Variants in PLIN2 observed in about 807,000 individuals in gnomAD.
The protein encoded by PLIN2 is perilipin 2.
A neutral mutation model predicts 30.6 loss-of-function variants in PLIN2; 33 were observed. The ratio of observed to expected loss-of-function variants is 1.08; its 90% confidence interval spans 0.82 to 1.44. The LOEUF (loss-of-function observed/expected upper bound fraction) is 1.44. Ranked by LOEUF, PLIN2 falls within the 40% of genes most tolerant of loss-of-function variation. The pLI is 0.00. For synonymous variants in PLIN2, 205 were observed against 201.1 expected (o/e 1.02, Z -0.16); for missense variants, 610 against 531.8 (o/e 1.15, Z -1.45).
rs756967839 is a variant in PLIN2 at position 19,121,103 on chromosome 9, A to T, written c.372T>A (p.Thr124=). 1 of 1,614,170 alleles carries T rather than the reference A, an allele frequency of 6.2e-7. No homozygotes were observed. Among genetic ancestry groups the T allele is most frequent in the South Asian group, 1.1e-5 (1 of 91,086 alleles). The change falls in exon 5 of 8, where the codon ACT becomes ACA. Residue 124 remains threonine, a synonymous_variant. Coordinates refer to ENST00000276914, the MANE Select transcript of PLIN2 (RefSeq NM_001122.4). ...GAKDAVTTTV[T]GAKDSVASTI... Reference sequence around the variant, plus strand: ...TGCTGGCCACAGAATCCTTGGCCCCAGTCACAGTAGTCGTCACAGCATCTT... The same window carrying T: ...TGCTGGCCACAGAATCCTTGGCCCCTGTCACAGTAGTCGTCACAGCATCTT...
chr9:19,117,926 T>G (rs1291490183), intron 7 of PLIN2, among the ~76,000 whole-genome samples: 2 of 152,198 alleles, frequency 1.3e-5, no homozygotes, highest in Non-Finnish European at 2.9e-5. Flanking sequence ...CAATAGTACC[T>G]GTATTTATGC....
At chr9:19,123,319 A>G in intron 4 of PLIN2, 1 of 1,537,710 alleles carries the variant, frequency 6.5e-7, no homozygotes, top group Non-Finnish European at 8.8e-7. Flanking sequence ...GAGCAAAGAC[A>G]CAAACTGATA....
At chr9:19,120,551 C>CTATA (rs1342733178) in intron 5 of PLIN2, among the ~76,000 whole-genome samples, 1 of 152,126 alleles carries the variant, frequency 6.6e-6, no homozygotes, top group African/African-American at 2.4e-5. Context: ...GAAGGAAAAT[C>CTATA]TATAGAGGCA....
At position 19,123,602 on chromosome 9, in the gene PLIN2, T is replaced by G. The variant is rs756477017; in HGVS notation, c.272A>C (p.Glu91Ala). Residue 91 changes from glutamate (E) to alanine (A), a missense_variant, in exon 4 of 8, where the codon GAG (glutamate) becomes GCG (alanine). Coordinates refer to ENST00000276914, the MANE Select transcript of PLIN2 (RefSeq NM_001122.4). ...CTGATTCAGAATAGGCAGTCTCTCC[T>G]CAATCCTGTCTAGCCCCTTACAGGC... ...TYACKGLDRI[E>A]ERLPILNQPS... 4.3e-6 allele frequency: 7 copies of G among 1,614,084 alleles called. No individual in the cohort carries two copies. The highest frequency in any genetic ancestry group is 5.9e-6 in the Non-Finnish European group (7 of 1,180,044).
At chr9:19,112,028 G>T (rs1287339277), downstream of PLIN2, among the ~76,000 whole-genome samples, 1 of 152,136 alleles carries the variant, frequency 6.6e-6, no homozygotes, top group African/African-American at 2.4e-5. Context: ...TCCCACAGAT[G>T]ATGTCCCCAT....
At chr9:19,122,010 G>A (rs963873431) in intron 4 of PLIN2, among the ~76,000 whole-genome samples, 1 of 149,634 alleles carries the variant, frequency 6.7e-6, no homozygotes, top group Non-Finnish European at 1.5e-5. Context: ...TGGGGAGGCT[G>A]AAGCAGGACA....
At chr9:19,120,083 AG>A (rs1468758496) in intron 5 of PLIN2, among the ~76,000 whole-genome samples, 15 of 151,216 alleles carry the variant, frequency 9.9e-5, no homozygotes, top group African/African-American at 3.6e-4. Context: ...TTTTGGAAAC[AG>A]GTCTTGCTTT....
chr9:19,120,914 T>C lies in PLIN2; in HGVS notation c.561A>G (p.Val187=). 1 of 1,614,150 alleles carries C rather than the reference T, an allele frequency of 6.2e-7. No individual in the cohort carries two copies. Among genetic ancestry groups the C allele is most frequent in the South Asian group, 1.1e-5 (1 of 91,084 alleles). Residue 187 remains valine, a synonymous_variant, in exon 5 of 8, where the codon GTA becomes GTG. Coordinates refer to ENST00000276914, the MANE Select transcript of PLIN2 (RefSeq NM_001122.4). ...CCTCAGTGAGAGGGAGGTACTGTTC[T>C]ACCAACAGCTCTGATTTGGTGAGTG... is the stretch of plus-strand genomic sequence containing the variant. ...ENALTKSELL[V]EQYLPLTEEE...
intron 6 of PLIN2, 114 bp from the exon 7 acceptor site, chr9:19,118,569 G>C (rs1660028777): frequency 1.2e-5 from 10 of 861,378 alleles, no homozygotes; most frequent in Non-Finnish European, 1.8e-5. Flanking sequence ...TCCTGGAGTT[G>C]AATAAGATCT....
chr9:19,124,214 T>A (rs72698318), intron 3 of PLIN2, among the ~76,000 whole-genome samples: 6,506 of 152,092 alleles, frequency 0.043, 191 homozygotes, highest in Non-Finnish European at 0.057. Flanking sequence ...GCTTCTTCCT[T>A]ATCAACTGGC....
At position 19,127,261 on chromosome 9, in the gene PLIN2, G is replaced by C. The variant is rs941892541; in HGVS notation, c.-23+158C>G. 3.3e-5 allele frequency among the ~76,000 whole-genome samples: 5 copies of C among 152,042 alleles called. No homozygotes were observed. Among genetic ancestry groups the C allele is most frequent in the South Asian group, 2.1e-4 (1 of 4,816 alleles). On this transcript the variant is annotated intron_variant, in intron 1 of 7. Transcript: ENST00000276914. The surrounding 1 kb of genome is among the most constrained non-coding windows in gnomAD (Gnocchi z 4.3). ...AGGACCTGGAAGCCGCGAGGCGAGCGGGGGGTCTCGGACCATCACCCCCGC... is the reference window on the plus strand; with the variant it reads ...AGGACCTGGAAGCCGCGAGGCGAGCCGGGGGTCTCGGACCATCACCCCCGC...
downstream of PLIN2, among the ~76,000 whole-genome samples, chr9:19,115,469 G>A (rs1479034999): frequency 1.3e-5 from 2 of 151,856 alleles, no homozygotes; most frequent in Non-Finnish European, 2.9e-5. Flanking sequence ...CACCGTGCCC[G>A]GCTAATTTTT....
In PLIN2 at chr9:19,123,612, C is replaced by T; in HGVS notation, c.262G>A (p.Asp88Asn). ...VANTYACKGL[D>N]RIEERLPILN... ...ATAGGCAGTCTCTCCTCAATCCTGT[C>T]TAGCCCCTTACAGGCATAGGTATTG... The change falls in exon 4 of 8, where the codon GAC becomes AAC. Residue 88 changes from aspartate to asparagine, a missense_variant. By Grantham distance (23) the Asp-to-Asn change is conservative (BLOSUM62 1). Transcript: ENST00000276914. The T allele has an allele frequency of 6.2e-7, 1 of 1,614,162 alleles. No homozygotes were observed. The highest frequency in any genetic ancestry group is 2.2e-5 in the East Asian group (1 of 44,884).
chr9:19,117,791 G>C (rs1001567704), intron 7 of PLIN2, among the ~76,000 whole-genome samples: 62 of 151,966 alleles, frequency 4.1e-4, no homozygotes, highest in African/African-American at 1.4e-3. Context: ...CTCATTTTTT[G>C]TATTTTTAGT....
chr9:19,109,799 T>C (rs1289204834), intron 2 of PLIN2, among the ~76,000 whole-genome samples: 1 of 151,116 alleles, frequency 6.6e-6, no homozygotes, highest in East Asian at 2.0e-4. Flanking sequence ...CTACTAATAA[T>C]ACAAAAATTA....
chr9:19,124,095 G>C (rs1190779605), intron 3 of PLIN2, among the ~76,000 whole-genome samples: 1 of 151,530 alleles, frequency 6.6e-6, no homozygotes, highest in Non-Finnish European at 1.5e-5. Context: ...CTGACAGGAA[G>C]AGGCCTGGCA....
Position 19,116,224 on chromosome 9 carries a change from C to G in PLIN2, c.*24G>C. 6.5e-7 allele frequency: 1 copy of G among 1,537,424 alleles called. No individual in the cohort carries two copies. The highest frequency in any genetic ancestry group is 8.8e-7 in the Non-Finnish European group (1 of 1,142,764). On this transcript the variant is annotated 3_prime_UTR_variant, in exon 8 of 8. Coordinates refer to ENST00000276914, the MANE Select transcript of PLIN2 (RefSeq NM_001122.4). Reference sequence around the variant, plus strand: ...AAAGGTGTCATCTGTCTGGCCACAGCATGCACTAGTGATAGGGGCAGGTTT... The same window carrying G: ...AAAGGTGTCATCTGTCTGGCCACAGGATGCACTAGTGATAGGGGCAGGTTT...
Position 19,127,454 on chromosome 9 carries a change from T to G in PLIN2, c.-58A>C, listed in dbSNP as rs1818420561. 1 of 151,946 alleles carries G rather than the reference T, an allele frequency of 6.6e-6. No individual in the cohort carries two copies. The allele number at this position is 151,946 out of a possible 1,614,324, so 9.4% of individuals were successfully genotyped here. A position where few individuals can be genotyped will look rare whatever the true frequency, so the allele number is the denominator to read the frequency against. ...CAGCGAAAGGCGAAGAGCAGGCGCG[T>G]CCCGAAGACGACTCCGGCTGCCACG... On this transcript the variant is annotated 5_prime_UTR_variant, in exon 1 of 8. Coordinates refer to ENST00000276914, the MANE Select transcript of PLIN2 (RefSeq NM_001122.4). The surrounding 1 kb of genome is among the most constrained non-coding windows in gnomAD (Gnocchi z 4.3).
At chr9:19,118,484 C>A in intron 6 of PLIN2, 29 bp from the exon 7 acceptor site, 1 of 1,600,618 alleles carries the variant, frequency 6.2e-7, no homozygotes, top group Non-Finnish European at 8.5e-7. Context: ...GACAAAGGAA[C>A]ACACAAGTCA....
Sources: allele counts gnomAD v4.1 joint callset (sites outside exome capture counted in the v4.1 genomes callset), GRCh38; gene constraint gnomAD v4.1.1; non-coding constraint Gnocchi (gnomAD v3.1); transcripts MANE v1.5; gene names NCBI Gene and HGNC (gene_info 2026-07-23, HGNC 2026-07-21).